The following ABHD2 variants were observed in gnomAD, a reference collection of about 807,000 sequenced individuals.
ABHD2 encodes the protein abhydrolase domain containing 2, acylglycerol lipase.
A neutral mutation model predicts 48.1 loss-of-function variants in ABHD2; 20 were observed. The observed-to-expected ratio is 0.42, with a 90% CI of 0.29 to 0.60. The LOEUF (loss-of-function observed/expected upper bound fraction) is 0.60, where lower values mean the gene tolerates loss of function less well. Ranked by LOEUF, ABHD2 falls within the 20% of genes least tolerant of loss-of-function variation. ABHD2 has a pLI of 0.24. For missense variants in ABHD2, 405 were observed against 550.9 expected, an observed-to-expected ratio of 0.74 and a Z score of 2.65; for synonymous variants, 209 against 214.2, an observed-to-expected ratio of 0.98 and a Z score of 0.21.
intron 1 of ABHD2, among the ~76,000 whole-genome samples, chr15:89,108,975 C>T (rs913502696): frequency 1.3e-5 from 2 of 152,216 alleles, no homozygotes; most frequent in Non-Finnish European, 2.9e-5. Flanking sequence ...ATCTAACCTT[C>T]TCATTTTACA....
Position 89,175,717 on chromosome 15 carries a change from G to A in ABHD2, c.539-95G>A. 1 of 1,312,932 alleles carries A rather than the reference G, an allele frequency of 7.6e-7. No individual in the cohort carries two copies. Among genetic ancestry groups the A allele is most frequent in the South Asian group, 1.2e-5 (1 of 82,958 alleles). 81.3% of individuals were successfully genotyped at this position (1,312,932 alleles called of 1,614,324 possible). On this transcript the variant is annotated intron_variant, in intron 5 of 10. Transcript: ENST00000352732. This position sits in a 1 kb window ranked among gnomAD's most constrained non-coding sequence, Gnocchi z 5.7. ...CACATATATATTTCTCTCTCTTTTA[G>A]TATACTGGCACCCATTTAGTAACGT...
At chr15:89,145,973 C>T (rs1321053957) in intron 3 of ABHD2, among the ~76,000 whole-genome samples, 2 of 152,134 alleles carry the variant, frequency 1.3e-5, no homozygotes, top group African/African-American at 2.4e-5. Flanking sequence ...AGCAATGCAT[C>T]CTATCTGACA....
chr15:89,093,780 G>C (rs1193062666), intron 1 of ABHD2: 1 of 152,158 alleles, frequency 6.6e-6, no homozygotes, highest in African/African-American at 2.4e-5. Flanking sequence ...CGCTAACAAA[G>C]GGTTCCACTG....
chr15:89,101,912 T>G (rs2049706641), intron 1 of ABHD2, among the ~76,000 whole-genome samples: 6 of 152,172 alleles, frequency 3.9e-5, no homozygotes, highest in Admixed American at 2.6e-4. Flanking sequence ...GCCAAGTAAA[T>G]GCTTCTCACA....
At chr15:89,153,223 G>C (rs984112258) in intron 4 of ABHD2, among the ~76,000 whole-genome samples, 1 of 152,066 alleles carries the variant, frequency 6.6e-6, no homozygotes, top group South Asian at 2.1e-4. Flanking sequence ...TTAGTTCTTC[G>C]TGGTAGCTTC....
At chr15:89,109,162 A>G (rs1037902959) in intron 1 of ABHD2, among the ~76,000 whole-genome samples, 3 of 152,160 alleles carry the variant, frequency 2.0e-5, no homozygotes, top group African/African-American at 4.8e-5. Flanking sequence ...GCTTTTAGCC[A>G]GGGGAGAGCA....
chr15:89,201,440 C>T lies in ABHD2; in HGVS notation c.*6017C>T, dbSNP rs2051464423. ...TTCATTGGGGATCTCCATTTGGAAT[C>T]CATTAATTCATGAGGTTTTGCCTCA... On this transcript the variant is annotated 3_prime_UTR_variant, in exon 11 of 11. Coordinates refer to ENST00000352732, the MANE Select transcript of ABHD2 (RefSeq NM_152924.5). 1 of 1,340,792 alleles carries T rather than the reference C, an allele frequency of 7.5e-7. No individual in the cohort carries two copies. The highest frequency in any genetic ancestry group is 1.1e-6 in the Non-Finnish European group (1 of 943,950). 83.1% of individuals were successfully genotyped at this position (1,340,792 alleles called of 1,614,324 possible). A position where few individuals can be genotyped will look rare whatever the true frequency, so the allele number is the denominator to read the frequency against.
intron 3 of ABHD2, among the ~76,000 whole-genome samples, chr15:89,138,143 A>G (rs1395005067): frequency 2.0e-5 from 3 of 152,274 alleles, no homozygotes. Context: ...CTGGCAGTTC[A>G]GGATCTGGAA....
chr15:89,066,795 G>T, the ABHD2 span, among the ~76,000 whole-genome samples: 1 of 152,178 alleles, frequency 6.6e-6, no homozygotes, highest in African/African-American at 2.4e-5. Flanking sequence ...CCAGCCAAGA[G>T]GCCAAGTCAA....
At chr15:89,144,127 T>C (rs190011566) in intron 3 of ABHD2, among the ~76,000 whole-genome samples, 55 of 152,194 alleles carry the variant, frequency 3.6e-4, no homozygotes, top group Admixed American at 9.8e-4. Flanking sequence ...TTGGAAACCA[T>C]CCAATGTCTT....
At chr15:89,159,227 A>T (rs922237661) in intron 5 of ABHD2, among the ~76,000 whole-genome samples, 1 of 151,924 alleles carries the variant, frequency 6.6e-6, no homozygotes, top group African/African-American at 2.4e-5. Flanking sequence ...AAACACAAAA[A>T]TTAGCCAGGC....
intron 1 of ABHD2, among the ~76,000 whole-genome samples, chr15:89,103,130 G>A (rs370040822): frequency 1.3e-5 from 2 of 152,134 alleles, no homozygotes; most frequent in African/African-American, 2.4e-5. Context: ...TAGATCATTC[G>A]GTATCCTCAA....
In ABHD2 at chr15:89,145,965, C is replaced by A. The variant is rs994075660; in HGVS notation, c.195-5712C>A. Among the ~76,000 whole-genome samples the A allele has an allele frequency of 4.9e-4, 75 of 152,274 alleles. 1 individual carries two copies. Among genetic ancestry groups the A allele is most frequent in the African/African-American group, 1.7e-3 (69 of 41,574 alleles). On this transcript the variant is annotated intron_variant, in intron 3 of 10. Coordinates refer to ENST00000352732, the MANE Select transcript of ABHD2 (RefSeq NM_152924.5). ...CAGAGTTGGGTTTTGTTGCTTTAAG[C>A]AATGCATCCTATCTGACAGAAACTT... is the stretch of plus-strand genomic sequence containing the variant.
chr15:89,082,947 C>G (rs763653464), upstream of ABHD2: 1 of 152,240 alleles, frequency 6.6e-6, no homozygotes, highest in Non-Finnish European at 1.5e-5. This position sits in a 1 kb window ranked among gnomAD's most constrained non-coding sequence, Gnocchi z 4.4. Context: ...CTCCGCCTAC[C>G]AGGTTCAAGC....
rs1260420183 is a variant in ABHD2, at chr15:89,167,538, T to C, written c.539-8274T>C. On this transcript the variant is annotated intron_variant, in intron 5 of 10. Transcript: ENST00000352732. This position sits in a 1 kb window ranked among gnomAD's most constrained non-coding sequence, Gnocchi z 5.5. The stretch of plus-strand genomic sequence containing the variant: ...GCCAAGAGTGGTGAGTTCTGCACTT[T>C]CAGGATGATATCTGAATACTTAAAC... Among the ~76,000 whole-genome samples the C allele has an allele frequency of 6.6e-6, 1 of 152,192 alleles. No individual in the cohort carries two copies. The highest frequency in any genetic ancestry group is 1.5e-5 in the Non-Finnish European group (1 of 68,030).
intron 3 of ABHD2, among the ~76,000 whole-genome samples, chr15:89,118,982 C>A (rs2050005588): frequency 6.6e-6 from 1 of 152,172 alleles, no homozygotes; most frequent in Non-Finnish European, 1.5e-5. Context: ...CTCCTTGGAC[C>A]TCGTGGCTGT....
the ABHD2 span, among the ~76,000 whole-genome samples, chr15:89,074,848 G>A: frequency 4.6e-5 from 7 of 152,142 alleles, no homozygotes; most frequent in Middle Eastern, 3.4e-3. Context: ...GCTGAACTCC[G>A]CCATCACTCA....
intron 1 of ABHD2, among the ~76,000 whole-genome samples, chr15:89,105,586 C>A (rs565752243): frequency 6.6e-6 from 1 of 152,352 alleles, no homozygotes; most frequent in South Asian, 2.1e-4. Context: ...TCTGTCAATC[C>A]CTCCAGTTCT....
chr15:89,133,690 T>C (rs1328451116), intron 3 of ABHD2, among the ~76,000 whole-genome samples: 1 of 152,110 alleles, frequency 6.6e-6, no homozygotes, highest in Non-Finnish European at 1.5e-5. Flanking sequence ...ATTTTTCTGA[T>C]GGTCATTGGT....
Sources: gnomAD v4.1 joint callset for allele counts (sites outside exome capture counted in the v4.1 genomes callset) on GRCh38, gnomAD v4.1.1 for gene constraint, Gnocchi (gnomAD v3.1) non-coding constraint, MANE v1.5 for transcripts, NCBI Gene and HGNC (gene_info 2026-07-23, HGNC 2026-07-21) for gene names.